The following FIRRM variants were observed in gnomAD, a reference collection of about 807,000 sequenced individuals.
FIRRM encodes the protein FIGNL1 interacting regulator of recombination and mitosis.
At chr1:169,793,397 G>A in the FIRRM span, 2 of 1,614,086 alleles carry the variant, frequency 1.2e-6, no homozygotes, top group Admixed American at 3.3e-5. Flanking sequence ...ATGCTCTTTG[G>A]CAGCTCTCAA....
the FIRRM span, among the ~76,000 whole-genome samples, chr1:169,821,407 GAGA>G: frequency 6.6e-6 from 1 of 152,106 alleles, no homozygotes; most frequent in African/African-American, 2.4e-5. Context: ...CAGATCAACT[GAGA>G]AGGATCACCT....
At chr1:169,827,286 T>C in the FIRRM span, 1 of 1,126,078 alleles carries the variant, frequency 8.9e-7, no homozygotes, top group Non-Finnish European at 1.3e-6. Context: ...TTTTTACAAT[T>C]AAGAAATTTT....
At chr1:169,843,135 T>C in the FIRRM span, among the ~76,000 whole-genome samples, 3 of 152,242 alleles carry the variant, frequency 2.0e-5, no homozygotes, top group African/African-American at 2.4e-5. Context: ...AGCCATACTT[T>C]TGGGAAATGA....
chr1:169,851,542 A>G, the FIRRM span: 1 of 411,718 alleles, frequency 2.4e-6, no homozygotes, highest in South Asian at 3.5e-5. Flanking sequence ...ATGTGTATAC[A>G]CTGCTGTTGC....
At chr1:169,828,484 CTTAT>C in the FIRRM span, among the ~76,000 whole-genome samples, 1 of 152,040 alleles carries the variant, frequency 6.6e-6, no homozygotes, top group Non-Finnish European at 1.5e-5. Flanking sequence ...CTGTCACCCC[CTTAT>C]TTGTGTGCTT....
chr1:169,802,670 G>C, the FIRRM span: 1 of 1,613,426 alleles, frequency 6.2e-7, no homozygotes, highest in Non-Finnish European at 8.5e-7. Flanking sequence ...AGTCAAGCCA[G>C]AGGACTGTCA....
chr1:169,800,004 C>G, the FIRRM span, among the ~76,000 whole-genome samples: 1 of 152,066 alleles, frequency 6.6e-6, no homozygotes, highest in Admixed American at 6.6e-5. Flanking sequence ...GATTACAGGT[C>G]TGAGCCATGA....
At chr1:169,804,825 G>A in the FIRRM span, among the ~76,000 whole-genome samples, 3 of 152,114 alleles carry the variant, frequency 2.0e-5, no homozygotes, top group African/African-American at 7.2e-5. Flanking sequence ...TGGGATTATA[G>A]GCGTCCGCCA....
At chr1:169,802,824 C>A in the FIRRM span, 800 of 662,584 alleles carry the variant, frequency 1.2e-3, 6 homozygotes, top group African/African-American at 0.013. Context: ...TATGTAATGG[C>A]CTAATGTTGG....
At chr1:169,819,060 G>A in the FIRRM span, among the ~76,000 whole-genome samples, 1,841 of 152,286 alleles carry the variant, frequency 0.012, 41 homozygotes, top group African/African-American at 0.042. Context: ...AAAGCATGCG[G>A]TTTCTACAGC....
the FIRRM span, among the ~76,000 whole-genome samples, chr1:169,798,479 A>T: frequency 6.6e-6 from 1 of 152,052 alleles, no homozygotes; most frequent in Non-Finnish European, 1.5e-5. Context: ...CATACTGGCC[A>T]GGCTGGTCTT....
At chr1:169,804,460 A>G in the FIRRM span, 7 of 295,140 alleles carry the variant, frequency 2.4e-5, no homozygotes, top group African/African-American at 1.3e-4. Context: ...TTTCTCCACA[A>G]TGATTAACTT....
At chr1:169,853,723 T>C in the FIRRM span, 6 of 1,613,786 alleles carry the variant, frequency 3.7e-6, no homozygotes, top group Non-Finnish European at 5.1e-6. Context: ...TCACCAGTTA[T>C]TATCTTCCCA....
chr1:169,784,549 G>A, the FIRRM span, among the ~76,000 whole-genome samples: 1 of 151,918 alleles, frequency 6.6e-6, no homozygotes, highest in Non-Finnish European at 1.5e-5. Flanking sequence ...TTGTTTGTCT[G>A]TTTGCTTGCT....
the FIRRM span, among the ~76,000 whole-genome samples, chr1:169,838,156 C>T: frequency 6.6e-6 from 1 of 152,102 alleles, no homozygotes; most frequent in African/African-American, 2.4e-5. Context: ...CCAGGCAGGT[C>T]ACGAACTCCT....
chr1:169,785,063 C>T, the FIRRM span: 1 of 152,198 alleles, frequency 6.6e-6, no homozygotes, highest in African/African-American at 2.4e-5. Context: ...CTCAATTCTT[C>T]CTATTACAAA....
chr1:169,833,390 T>G, the FIRRM span, among the ~76,000 whole-genome samples: 3 of 152,182 alleles, frequency 2.0e-5, no homozygotes, highest in African/African-American at 7.2e-5. Context: ...ACTAGATTAG[T>G]GAAGAGGATT....
chr1:169,852,020 T>C, the FIRRM span: 1 of 1,583,398 alleles, frequency 6.3e-7, no homozygotes, highest in Non-Finnish European at 8.6e-7. Context: ...ACCAGTGTGG[T>C]TTCCAGCCTT....
At chr1:169,845,378 G>C in the FIRRM span, among the ~76,000 whole-genome samples, 2 of 152,210 alleles carry the variant, frequency 1.3e-5, no homozygotes, top group Non-Finnish European at 2.9e-5. Context: ...GGTGGTTGCT[G>C]AAGGTTAGGG....
Sources: gnomAD v4.1 joint callset for allele counts (sites outside exome capture counted in the v4.1 genomes callset) on GRCh38, gnomAD v4.1.1 for gene constraint, MANE v1.5 for transcripts, NCBI Gene and HGNC (gene_info 2026-07-23, HGNC 2026-07-21) for gene names.